Variants in BABAM2 observed in about 807,000 individuals in gnomAD.
BABAM2 encodes BRISC and BRCA1 A complex member 2.
In BABAM2, 31 loss-of-function variants were observed where a neutral mutation model predicts 54.7. That is an observed-to-expected ratio of 0.57 (90% CI 0.43 to 0.77). BABAM2 has a LOEUF of 0.77. Among genes scored for constraint, BABAM2 ranks in the 30% least tolerant of loss-of-function variants. BABAM2 has a pLI of 0.00. For synonymous variants in BABAM2, 167 were observed against 162.9 expected (o/e 1.03, Z -0.19); for missense variants, 364 against 455.8 (o/e 0.80, Z 1.83).
At chr2:28,105,008 G>A (rs1315244205) in intron 6 of BABAM2, among the ~76,000 whole-genome samples, 1 of 144,778 alleles carries the variant, frequency 6.9e-6, no homozygotes, top group Non-Finnish European at 1.5e-5. Context: ...TTGGACACAG[G>A]AAGGGGAACA....
At chr2:28,275,785 G>A (rs77139274) in intron 10 of BABAM2, among the ~76,000 whole-genome samples, 2,393 of 152,174 alleles carry the variant, frequency 0.016, 63 homozygotes, top group African/African-American at 0.054. Flanking sequence ...GACAGCTTAC[G>A]CATGGGCTCA....
At chr2:28,150,606 G>A (rs1017488653) in intron 7 of BABAM2, among the ~76,000 whole-genome samples, 5 of 152,214 alleles carry the variant, frequency 3.3e-5, no homozygotes, top group Middle Eastern at 6.3e-3. Context: ...GGACCAGTTC[G>A]TAGACATCAC....
chr2:27,956,283 C>A (rs1359178926), intron 3 of BABAM2, among the ~76,000 whole-genome samples: 1 of 152,034 alleles, frequency 6.6e-6, no homozygotes, highest in African/African-American at 2.4e-5. Flanking sequence ...AAATAGTAAA[C>A]TTTTTGAAGG....
Position 28,012,836 on chromosome 2 carries a change from A to C in BABAM2, c.301-12390A>C, listed in dbSNP as rs192598453. Among the ~76,000 whole-genome samples the C allele has an allele frequency of 7.9e-5, 12 of 152,330 alleles. No individual in the cohort carries two copies. The East Asian group carries it at 2.3e-3, about 29-fold the overall frequency. ...TTCCAAGATAGAAAGGAATTTGCCTACTTTCTTTCTCTTAATAAATGAGGA... is the reference window on the plus strand; with the variant it reads ...TTCCAAGATAGAAAGGAATTTGCCTCCTTTCTTTCTCTTAATAAATGAGGA... On this transcript the variant is annotated intron_variant, in intron 4 of 11. Transcript: ENST00000379624.
At chr2:28,273,374 A>C (rs1323090109) in intron 10 of BABAM2, among the ~76,000 whole-genome samples, 1 of 152,138 alleles carries the variant, frequency 6.6e-6, no homozygotes, top group East Asian at 1.9e-4. Context: ...TCCACTGTTC[A>C]ATCTGAAAGG....
chr2:28,002,756 A>G (rs1171325175), intron 4 of BABAM2, among the ~76,000 whole-genome samples: 3 of 152,226 alleles, frequency 2.0e-5, no homozygotes, highest in Non-Finnish European at 4.4e-5. Flanking sequence ...GTTTAGTGAT[A>G]TATTTAATGT....
chr2:27,978,541 A>G (rs963207373), intron 3 of BABAM2, among the ~76,000 whole-genome samples: 2 of 152,228 alleles, frequency 1.3e-5, no homozygotes, highest in Non-Finnish European at 2.9e-5. Flanking sequence ...TCTCACTTCC[A>G]TACTTGGAGT....
Position 28,331,700 on chromosome 2 carries a change from C to T in BABAM2, c.1089-6750C>T, listed in dbSNP as rs192557556. ...CAGCAAGGCTGTGGAGAAGTAGGAA[C>T]GCTTTTACACTGTTGGTGGGAATGT... On this transcript the variant is annotated intron_variant, in intron 11 of 11. Coordinates refer to ENST00000379624, the MANE Select transcript of BABAM2 (RefSeq NM_199191.3). Among the ~76,000 whole-genome samples the T allele has an allele frequency of 1.7e-3, 256 of 152,276 alleles. 4 individuals carry two copies. Among genetic ancestry groups the T allele is most frequent in the Non-Finnish European group, 4.0e-4 (27 of 68,020 alleles).
intron 3 of BABAM2, among the ~76,000 whole-genome samples, chr2:27,978,888 G>A (rs981009496): frequency 6.6e-6 from 1 of 152,144 alleles, no homozygotes; most frequent in Non-Finnish European, 1.5e-5. Context: ...GTGAGAACAT[G>A]TGGTATTTGG....
At chr2:28,225,543 T>C (rs1680808059) in intron 7 of BABAM2, among the ~76,000 whole-genome samples, 1 of 152,206 alleles carries the variant, frequency 6.6e-6, no homozygotes, top group Non-Finnish European at 1.5e-5. Flanking sequence ...AAAGAGCATA[T>C]ATGATTCATG....
chr2:28,210,196 TC>T (rs113983588), intron 7 of BABAM2, among the ~76,000 whole-genome samples: 7 of 152,334 alleles, frequency 4.6e-5, no homozygotes, highest in African/African-American at 1.7e-4. Context: ...CTGGTTCTCC[TC>T]CCTGCTTTCC....
intron 7 of BABAM2, among the ~76,000 whole-genome samples, chr2:28,184,763 A>G (rs1573781567): frequency 1.3e-5 from 2 of 152,154 alleles, no homozygotes; most frequent in East Asian, 3.9e-4. Context: ...TGCTATTGTG[A>G]ATAGTGCCAC....
chr2:27,998,251 T>C (rs969615370), intron 4 of BABAM2, among the ~76,000 whole-genome samples: 2 of 152,106 alleles, frequency 1.3e-5, no homozygotes, highest in East Asian at 3.9e-4. Flanking sequence ...CCGCTCTTTG[T>C]CGCCTCCTCT....
intron 6 of BABAM2, among the ~76,000 whole-genome samples, chr2:28,048,086 GT>G (rs1484487785): frequency 6.6e-6 from 1 of 152,080 alleles, no homozygotes; most frequent in Non-Finnish European, 1.5e-5. Flanking sequence ...AATTCCTAGG[GT>G]TAGGATACTC....
chr2:28,228,683 A>C (rs1287448781), intron 7 of BABAM2, among the ~76,000 whole-genome samples: 1 of 152,106 alleles, frequency 6.6e-6, no homozygotes, highest in Non-Finnish European at 1.5e-5. Context: ...TCTTCCCCTT[A>C]CCCTTTTCGT....
intron 11 of BABAM2, among the ~76,000 whole-genome samples, chr2:28,332,627 C>G (rs78578157): frequency 0.014 from 2,170 of 152,262 alleles, 40 homozygotes; most frequent in African/African-American, 0.049. Context: ...ACCAGGCCAA[C>G]CAACACCCTG....
At chr2:28,011,693 C>T (rs1263320788) in intron 4 of BABAM2, among the ~76,000 whole-genome samples, 1 of 152,156 alleles carries the variant, frequency 6.6e-6, no homozygotes, top group African/African-American at 2.4e-5. Context: ...GATGTTTCTC[C>T]AGTTGTAAAT....
intron 7 of BABAM2, among the ~76,000 whole-genome samples, chr2:28,231,527 C>T (rs1014320793): frequency 6.6e-6 from 1 of 152,156 alleles, no homozygotes; most frequent in African/African-American, 2.4e-5. Context: ...GTTCCCCTTT[C>T]CATGCTTCAA....
chr2:28,164,355 G>C (rs1673417576), intron 7 of BABAM2, among the ~76,000 whole-genome samples: 2 of 152,070 alleles, frequency 1.3e-5, no homozygotes, highest in Non-Finnish European at 2.9e-5. Context: ...GCCTGGAATA[G>C]GTCTCTCTTT....
Sources: allele counts gnomAD v4.1 joint callset (sites outside exome capture counted in the v4.1 genomes callset), GRCh38; gene constraint gnomAD v4.1.1; transcripts MANE v1.5; gene names NCBI Gene and HGNC (gene_info 2026-07-23, HGNC 2026-07-21).